NBAS: variants seen among roughly 807,000 people sequenced by gnomAD.
The protein encoded by NBAS is NBAS subunit of NRZ tethering complex.
In NBAS, 219 loss-of-function variants were observed where a neutral mutation model predicts 302.5. That is an observed-to-expected ratio of 0.72 (90% CI 0.65 to 0.81). The LOEUF is 0.81. NBAS is among the 30% of genes least tolerant of loss of function. The pLI is 0.00. For missense variants in NBAS, 2,932 were observed against 2,841.6 expected (o/e 1.03, Z -0.72); for synonymous variants, 1,118 against 1,021.6 (o/e 1.09, Z -1.80).
chr2:15,232,438 C>T lies in NBAS; in HGVS notation c.6220G>A (p.Ala2074Thr), dbSNP rs6710817. The T allele has an allele frequency of 0.073, 117,690 of 1,613,576 alleles. 4,866 individuals are homozygous for T. Among genetic ancestry groups the T allele is most frequent in the African/African-American group, 0.15 (10,948 of 74,992 alleles). ...VLEGVVAAVH[A>T]SVDKGEELVS... ...TAGTCTTACCCCTTGTCCACACTGG[C>T]GTGGACTGCTGCAACAACACCTTCC... Residue 2074 changes from alanine to threonine, a missense_variant, in exon 47 of 52, where the codon GCC (alanine) becomes ACC (threonine). Physicochemically the swap from Ala to Thr is moderately conservative, Grantham distance 58. Transcript: ENST00000281513.
the NBAS span, among the ~76,000 whole-genome samples, chr2:14,787,554 A>G: frequency 6.6e-6 from 1 of 152,136 alleles, no homozygotes; most frequent in East Asian, 1.9e-4. Context: ...TTGCCTGTAA[A>G]GTATTTTACT....
At chr2:15,147,788 C>T in the NBAS span, among the ~76,000 whole-genome samples, 1 of 152,016 alleles carries the variant, frequency 6.6e-6, no homozygotes, top group East Asian at 1.9e-4. Flanking sequence ...GCTGGGAACG[C>T]TGAGAGGCAT....
chr2:15,423,929 A>C (rs1352274575), intron 23 of NBAS, among the ~76,000 whole-genome samples: 1 of 152,248 alleles, frequency 6.6e-6, no homozygotes, highest in Non-Finnish European at 1.5e-5. Context: ...AACTTCAAAC[A>C]GGGTTCCTGA....
At chr2:14,903,142 C>T in the NBAS span, among the ~76,000 whole-genome samples, 2 of 151,944 alleles carry the variant, frequency 1.3e-5, no homozygotes, top group Admixed American at 6.5e-5. Flanking sequence ...GGTGTCCTAG[C>T]GTGTAAGGGC....
In NBAS at chr2:15,394,385, A is replaced by G. The variant is rs138050691; in HGVS notation, c.3135-36T>C. ...AAAAAGAATTATTTAATGTCTTGCT[A>G]CCAAACAAAAAGAGTCTAAGAATCT... On this transcript the variant is annotated intron_variant, in intron 27 of 51. Coordinates refer to ENST00000281513, the MANE Select transcript of NBAS (RefSeq NM_015909.4). 1.0e-3 allele frequency: 1,666 copies of G among 1,608,214 alleles called. 19 individuals are homozygous for G. In the African/African-American group the frequency reaches 0.018, roughly 17 times the overall value.
intron 42 of NBAS, among the ~76,000 whole-genome samples, chr2:15,278,494 ACAT>A (rs1669688133): frequency 6.6e-6 from 1 of 152,114 alleles, no homozygotes; most frequent in South Asian, 2.1e-4. Context: ...AGACCTTATT[ACAT>A]CATCTTAATC....
At chr2:15,399,159 C>T (rs1258663457) in intron 26 of NBAS, among the ~76,000 whole-genome samples, 2 of 152,100 alleles carry the variant, frequency 1.3e-5, no homozygotes, top group African/African-American at 4.8e-5. Flanking sequence ...TAGTGGAAAA[C>T]AAAGCCTAAT....
intron 28 of NBAS, among the ~76,000 whole-genome samples, chr2:15,388,855 A>G (rs1388320371): frequency 3.3e-5 from 5 of 152,200 alleles, no homozygotes; most frequent in Non-Finnish European, 4.4e-5. Flanking sequence ...TCTCACAAAC[A>G]TAACGTCGAG....
At chr2:14,990,509 C>T in the NBAS span, among the ~76,000 whole-genome samples, 1 of 152,100 alleles carries the variant, frequency 6.6e-6, no homozygotes, top group African/African-American at 2.4e-5. Flanking sequence ...GTTTGCATCT[C>T]GGTTAAAAAT....
intron 50 of NBAS, among the ~76,000 whole-genome samples, chr2:15,183,049 A>G (rs914755648): frequency 4.0e-5 from 6 of 150,612 alleles, no homozygotes; most frequent in East Asian, 1.9e-4. Context: ...TGAATTTAGG[A>G]AAAAAAAAAT....
chr2:15,152,632 C>T, the NBAS span, among the ~76,000 whole-genome samples: 1 of 152,228 alleles, frequency 6.6e-6, no homozygotes, highest in South Asian at 2.1e-4. Context: ...CTATGGAGCG[C>T]TCTGAACCTC....
At chr2:15,250,436 T>C (rs898441824) in intron 44 of NBAS, among the ~76,000 whole-genome samples, 8 of 152,092 alleles carry the variant, frequency 5.3e-5, no homozygotes, top group Non-Finnish European at 1.0e-4. Flanking sequence ...CCAAAAGCAA[T>C]GGCAACAAAA....
intron 38 of NBAS, among the ~76,000 whole-genome samples, chr2:15,324,971 C>T (rs1422972789): frequency 6.6e-6 from 1 of 152,202 alleles, no homozygotes; most frequent in Non-Finnish European, 1.5e-5. Flanking sequence ...ATGCACCTCT[C>T]AAGGGCCTAA....
At chr2:14,837,906 T>C in the NBAS span, among the ~76,000 whole-genome samples, 1 of 151,918 alleles carries the variant, frequency 6.6e-6, no homozygotes, top group African/African-American at 2.4e-5. Flanking sequence ...AGTCTCCTAC[T>C]GGAAAATCAT....
chr2:15,132,230 G>A, the NBAS span, among the ~76,000 whole-genome samples: 1 of 152,152 alleles, frequency 6.6e-6, no homozygotes, highest in Non-Finnish European at 1.5e-5. Context: ...CCAGACAATG[G>A]AATGTTATTC....
chr2:15,459,404 C>CA (rs1432300319), intron 21 of NBAS, among the ~76,000 whole-genome samples: 1 of 151,966 alleles, frequency 6.6e-6, no homozygotes, highest in Admixed American at 6.6e-5. Flanking sequence ...ATTCTGAAAA[C>CA]ATGCATAAAA....
At chr2:14,863,533 G>C in the NBAS span, among the ~76,000 whole-genome samples, 2 of 152,170 alleles carry the variant, frequency 1.3e-5, no homozygotes, top group Non-Finnish European at 2.9e-5. Flanking sequence ...GTAGAATGTC[G>C]TAAGGTTGGT....
At chr2:15,143,547 G>A in the NBAS span, among the ~76,000 whole-genome samples, 4 of 152,176 alleles carry the variant, frequency 2.6e-5, no homozygotes, top group Non-Finnish European at 5.9e-5. Context: ...CTCCACCCAC[G>A]GGCTTCGTCC....
chr2:15,252,685 C>T (rs902966185), intron 44 of NBAS, among the ~76,000 whole-genome samples: 1 of 152,032 alleles, frequency 6.6e-6, no homozygotes, highest in Admixed American at 6.6e-5. Flanking sequence ...AAAAAATACA[C>T]AGATGTCCTC....
Sources: allele counts gnomAD v4.1 joint callset (sites outside exome capture counted in the v4.1 genomes callset), GRCh38; gene constraint gnomAD v4.1.1; transcripts MANE v1.5; gene names NCBI Gene and HGNC (gene_info 2026-07-23, HGNC 2026-07-21).